Variants in DNAH7 observed in about 807,000 individuals in gnomAD.
DNAH7 encodes the protein dynein axonemal heavy chain 7.
Under a neutral mutation model 444.6 loss-of-function variants are expected in DNAH7, and 397 were observed. The ratio of observed to expected loss-of-function variants is 0.89; its 90% confidence interval spans 0.82 to 0.97. The LOEUF (loss-of-function observed/expected upper bound fraction) is 0.97. Ranked by LOEUF, DNAH7 falls within the 50% of genes least tolerant of loss-of-function variation. The pLI is 0.00. For missense variants in DNAH7, 4,902 were observed against 4,800.8 expected (o/e 1.02, Z -0.62); for synonymous variants, 1,636 against 1,624.4 (o/e 1.01, Z -0.17).
chr2:195,996,737 T>G (rs1693721927), intron 12 of DNAH7, among the ~76,000 whole-genome samples: 1 of 152,174 alleles, frequency 6.6e-6, no homozygotes. Flanking sequence ...CAACTTACTC[T>G]TAAATATACA....
chr2:195,740,892 A>G, intron 63 of DNAH7, 23 bp from the exon 64 acceptor site: 1 of 1,397,776 alleles, frequency 7.2e-7, no homozygotes. Flanking sequence ...GAAACACATT[A>G]ATATAACACT....
intron 1 of DNAH7, among the ~76,000 whole-genome samples, chr2:196,062,582 A>G (rs1181306648): frequency 6.6e-6 from 1 of 152,160 alleles, no homozygotes; most frequent in Non-Finnish European, 1.5e-5. Flanking sequence ...GAATGCCTCC[A>G]TCTTCCTGTA....
chr2:195,941,379 G>A (rs929918947), intron 19 of DNAH7, among the ~76,000 whole-genome samples: 7 of 150,548 alleles, frequency 4.6e-5, no homozygotes, highest in African/African-American at 1.7e-4. Flanking sequence ...CGGGGGTTGG[G>A]GGGCAAGAGG....
At chr2:196,031,333 C>A (rs1012004509) in intron 5 of DNAH7, among the ~76,000 whole-genome samples, 10 of 152,202 alleles carry the variant, frequency 6.6e-5, no homozygotes, top group African/African-American at 9.7e-5. Context: ...GCCCACAGAA[C>A]CATTTTCTCC....
chr2:195,820,057 T>G (rs924087863), intron 49 of DNAH7, among the ~76,000 whole-genome samples: 2 of 152,170 alleles, frequency 1.3e-5, no homozygotes, highest in African/African-American at 4.8e-5. Context: ...ATTCTACCAC[T>G]GGAGAGTGTG....
chr2:195,815,925 G>A (rs985484617), intron 51 of DNAH7, among the ~76,000 whole-genome samples: 5 of 152,266 alleles, frequency 3.3e-5, no homozygotes, highest in Middle Eastern at 3.4e-3. Context: ...CCCGGGAGGC[G>A]GAGTTTGCGT....
chr2:195,967,639 T>C (rs1367860957), intron 17 of DNAH7, among the ~76,000 whole-genome samples: 1 of 152,222 alleles, frequency 6.6e-6, no homozygotes, highest in Non-Finnish European at 1.5e-5. Context: ...GGTACAAGTT[T>C]TTTCTTTCAG....
intron 25 of DNAH7, among the ~76,000 whole-genome samples, chr2:195,907,732 T>C (rs1230511844): frequency 6.6e-6 from 1 of 152,112 alleles, no homozygotes; most frequent in Non-Finnish European, 1.5e-5. Context: ...ATATGAGATG[T>C]TAAATAATTA....
At chr2:195,861,230 T>G (rs1460876877) in intron 42 of DNAH7, among the ~76,000 whole-genome samples, 1 of 152,126 alleles carries the variant, frequency 6.6e-6, no homozygotes, top group East Asian at 1.9e-4. Context: ...TTGAATAAAC[T>G]TCTGTGCACA....
chr2:195,972,440 A>C lies in DNAH7; in HGVS notation c.1860T>G (p.Thr620=). The change falls in exon 16 of 65, where the codon ACT becomes ACG. Residue 620 remains threonine (T), a synonymous_variant. Coordinates refer to ENST00000312428, the MANE Select transcript of DNAH7 (RefSeq NM_018897.3). The part of the protein sequence containing the change: ...MKAYIQKVEV[T]DMIELEQRLV... Reference sequence around the variant, plus strand: ...ATCTCTGTTCTAGTTCAATCATATCAGTTACCTCCACTTTCTGAATGTAAG... The same window carrying C: ...ATCTCTGTTCTAGTTCAATCATATCCGTTACCTCCACTTTCTGAATGTAAG... 1.9e-6 allele frequency: 3 copies of C among 1,614,096 alleles called. No homozygotes were observed. Among genetic ancestry groups the C allele is most frequent in the Non-Finnish European group, 2.5e-6 (3 of 1,179,970 alleles).
intron 1 of DNAH7, among the ~76,000 whole-genome samples, chr2:196,062,059 AC>A (rs1300145965): frequency 1.3e-5 from 2 of 152,122 alleles, no homozygotes; most frequent in Non-Finnish European, 2.9e-5. Context: ...TTTCATGGCA[AC>A]CCCTCTAAGA....
intron 57 of DNAH7, among the ~76,000 whole-genome samples, chr2:195,791,940 G>A (rs1257292038): frequency 6.6e-6 from 1 of 152,114 alleles, no homozygotes; most frequent in African/African-American, 2.4e-5. Flanking sequence ...GCCAAGGAGG[G>A]CGGACCACTT....
chr2:196,000,619 G>GGA, intron 12 of DNAH7, 85 bp downstream of exon 12: 1 of 1,143,174 alleles, frequency 8.7e-7, no homozygotes, highest in East Asian at 2.7e-5. Flanking sequence ...GTGAAGCAGA[G>GGA]GATACCTGCC....
At chr2:195,900,096 G>A (rs905931522) in intron 28 of DNAH7, among the ~76,000 whole-genome samples, 186 bp downstream of exon 28, 5 of 152,112 alleles carry the variant, frequency 3.3e-5, no homozygotes, top group African/African-American at 4.8e-5. Context: ...AGAATTACAC[G>A]TGTAAGGTTT....
intron 30 of DNAH7, chr2:195,893,118 T>TG (rs1242249351): frequency 6.8e-6 from 1 of 148,040 alleles, no homozygotes; most frequent in Admixed American, 7.0e-5. Context: ...TAATTTTTTG[T>TG]GTTTTTTTTT....
chr2:195,750,865 A>G (rs1693758244), intron 63 of DNAH7, among the ~76,000 whole-genome samples: 2 of 152,112 alleles, frequency 1.3e-5, no homozygotes. Flanking sequence ...CCTTTCCTCC[A>G]TTGCCAAATA....
chr2:196,020,500 G>T (rs182903225), intron 8 of DNAH7, among the ~76,000 whole-genome samples: 396 of 152,168 alleles, frequency 2.6e-3, no homozygotes, highest in Non-Finnish European at 4.9e-3. Context: ...AATTATGAAG[G>T]ATGATTTTTG....
chr2:195,966,143 T>G (rs905205088), intron 17 of DNAH7, among the ~76,000 whole-genome samples: 1 of 152,056 alleles, frequency 6.6e-6, no homozygotes, highest in Non-Finnish European at 1.5e-5. Context: ...TGTTTTGTTA[T>G]GTTGTGTTTC....
At chr2:195,951,030 G>A (rs1038177351) in intron 19 of DNAH7, among the ~76,000 whole-genome samples, 1 of 151,724 alleles carries the variant, frequency 6.6e-6, no homozygotes, top group Non-Finnish European at 1.5e-5. Flanking sequence ...GTGATGTTAG[G>A]GTGTCTGTCG....
Sources: allele counts gnomAD v4.1 joint callset (sites outside exome capture counted in the v4.1 genomes callset), GRCh38; gene constraint gnomAD v4.1.1; transcripts MANE v1.5; gene names NCBI Gene and HGNC (gene_info 2026-07-23, HGNC 2026-07-21).